The following METTL16 variants were observed in gnomAD, a reference collection of about 807,000 sequenced individuals.
METTL16 encodes the protein RNA N(6)-adenosine-methyltransferase METTL16.
In METTL16, 19 loss-of-function variants were observed where a neutral mutation model predicts 57.9. The observed-to-expected ratio is 0.33, with a 90% CI of 0.23 to 0.48. METTL16 has a LOEUF of 0.48. Ranked by LOEUF, METTL16 falls within the 20% of genes least tolerant of loss-of-function variation. METTL16 has a pLI of 0.99. For missense variants in METTL16, 434 were observed against 691.5 expected, an observed-to-expected ratio of 0.63 and a Z score of 4.18; for synonymous variants, 246 against 255.6, an observed-to-expected ratio of 0.96 and a Z score of 0.36.
chr17:2,498,740 G>A (rs2067464900), intron 2 of METTL16, among the ~76,000 whole-genome samples: 1 of 151,538 alleles, frequency 6.6e-6, no homozygotes, highest in Non-Finnish European at 1.5e-5. Context: ...CTGTGTCTCA[G>A]AAAATAATAT....
chr17:2,443,374 T>C (rs898354835), intron 6 of METTL16, among the ~76,000 whole-genome samples: 4 of 152,250 alleles, frequency 2.6e-5, no homozygotes, highest in Admixed American at 2.6e-4. Context: ...CTACTAAACA[T>C]TTAAGGAAGA....
chr17:2,447,689 C>T (rs1396674840), intron 6 of METTL16, among the ~76,000 whole-genome samples: 4 of 128,418 alleles, frequency 3.1e-5, no homozygotes, highest in South Asian at 2.5e-4. Context: ...CCAGCCGCCC[C>T]GTCCGGGAGG....
chr17:2,493,299 C>T (rs1403337548), intron 2 of METTL16, among the ~76,000 whole-genome samples: 1 of 151,550 alleles, frequency 6.6e-6, no homozygotes, highest in African/African-American at 2.4e-5. Context: ...CTGTGTTAGC[C>T]AGGATAGTCT....
rs533793602 is a variant in METTL16, at chr17:2,428,527, C to CAAAAAA, written c.889-7629_889-7624dup. Among the ~76,000 whole-genome samples the CAAAAAA allele has an allele frequency of 3.8e-4, 8 of 21,074 alleles. 3 individuals carry two copies. Among genetic ancestry groups the CAAAAAA allele is most frequent in the Non-Finnish European group, 6.6e-4 (8 of 12,042 alleles). 13.8% of individuals were successfully genotyped at this position (21,074 alleles called of 152,430 possible). On this transcript the variant is annotated intron_variant, in intron 8 of 9. Transcript: ENST00000263092. ...CAGGCGACAGAGCGAGACTCCGTCT[C>CAAAAAA]AAAAAAAAAAAAAAAAAAAAAAAAA... is the stretch of plus-strand genomic sequence containing the variant.
At chr17:2,479,286 C>G (rs1210432881) in intron 2 of METTL16, among the ~76,000 whole-genome samples, 1 of 151,788 alleles carries the variant, frequency 6.6e-6, no homozygotes, top group African/African-American at 2.4e-5. Flanking sequence ...CCTGCCTCGG[C>G]CCCACAAGTA....
At chr17:2,467,940 G>A (rs969411847) in intron 4 of METTL16, 64 bp from the exon 5 acceptor site, 32 of 1,089,088 alleles carry the variant, frequency 2.9e-5, no homozygotes, top group East Asian at 7.1e-5. Flanking sequence ...GTATAACCGC[G>A]CACTGCGTAA....
At chr17:2,493,506 G>A (rs900235827) in intron 2 of METTL16, among the ~76,000 whole-genome samples, 4 of 151,862 alleles carry the variant, frequency 2.6e-5, no homozygotes, top group Admixed American at 6.6e-5. Flanking sequence ...ATCACTTGAC[G>A]TCAGGAGTTC....
At chr17:2,432,577 A>C (rs903284822) in intron 8 of METTL16, among the ~76,000 whole-genome samples, 1 of 152,180 alleles carries the variant, frequency 6.6e-6, no homozygotes, top group Non-Finnish European at 1.5e-5. Context: ...AAAATAAAAA[A>C]AAAAATTAAG....
rs750250109 is a variant in METTL16 at position 2,477,757 on chromosome 17, A to G, written c.257T>C (p.Ile86Thr). ...IPTVPLRLNY[I>T]HWVEDLIGHQ... ...ACCGATCAGATCTTCTACCCAGTGA[A>G]TATAGTTGAGTCTCAAGGGAACTGT... Residue 86 changes from isoleucine (I) to threonine (T), a missense_variant, in exon 3 of 10, where the codon ATT becomes ACT. Transcript: ENST00000263092. 26 of 1,613,984 alleles carry G rather than the reference A, an allele frequency of 1.6e-5. No individual in the cohort carries two copies. The South Asian group carries it at 2.6e-4, about 16-fold the overall frequency.
At chr17:2,493,635 CTTGA>C (rs2067418272) in intron 2 of METTL16, among the ~76,000 whole-genome samples, 1 of 149,634 alleles carries the variant, frequency 6.7e-6, no homozygotes, top group African/African-American at 2.5e-5. Context: ...ACATGAATTG[CTTGA>C]GCTCAGGTGG....
intron 6 of METTL16, among the ~76,000 whole-genome samples, chr17:2,444,995 T>A (rs1159294764): frequency 6.6e-6 from 1 of 151,988 alleles, no homozygotes; most frequent in Non-Finnish European, 1.5e-5. Flanking sequence ...GAATTAGAGG[T>A]GCATGCCACC....
intron 2 of METTL16, among the ~76,000 whole-genome samples, chr17:2,493,655 G>C (rs2067418447): frequency 6.7e-6 from 1 of 148,584 alleles, no homozygotes. Flanking sequence ...GGTGGTGGAG[G>C]TTGCAGTGAG....
At chr17:2,488,874 G>A (rs1468115887) in intron 2 of METTL16, among the ~76,000 whole-genome samples, 9 of 152,136 alleles carry the variant, frequency 5.9e-5, no homozygotes, top group Admixed American at 5.9e-4. Flanking sequence ...TTCGCGTACT[G>A]TACTGACATC....
chr17:2,451,617 T>C (rs1197624619), intron 6 of METTL16, among the ~76,000 whole-genome samples: 1 of 150,060 alleles, frequency 6.7e-6, no homozygotes, highest in Non-Finnish European at 1.5e-5. Context: ...GTAGACTCTG[T>C]TTCCAAAAAA....
chr17:2,440,089 T>C (rs2066936522), intron 7 of METTL16, among the ~76,000 whole-genome samples: 1 of 152,134 alleles, frequency 6.6e-6, no homozygotes, highest in African/African-American at 2.4e-5. Flanking sequence ...AGACCTTGTT[T>C]CTACTAAAAA....
chr17:2,474,138 C>T (rs879713225), intron 3 of METTL16, among the ~76,000 whole-genome samples: 3 of 152,004 alleles, frequency 2.0e-5, no homozygotes, highest in Admixed American at 6.6e-5. Context: ...GACTAATTCA[C>T]CTAAAATGCT....
At position 2,420,282 on chromosome 17, in the gene METTL16, G is replaced by T. The variant is rs2066753288; in HGVS notation, c.1377C>A (p.Asn459Lys). 1 of 1,613,526 alleles carries T rather than the reference G, an allele frequency of 6.2e-7. No homozygotes were observed. The highest frequency in any genetic ancestry group is 1.3e-5 in the African/African-American group (1 of 75,030). ...PSQESLSQEENPEPTEDERSE... is the reference protein window; with the variant it reads ...PSQESLSQEEKPEPTEDERSE... Reference sequence around the variant, plus strand: ...TCCTTTCATCCTCCGTGGGTTCCGGGTTTTCCTCCTGGGACAGGGACTCCT... The same window carrying T: ...TCCTTTCATCCTCCGTGGGTTCCGGTTTTTCCTCCTGGGACAGGGACTCCT... The change falls in exon 10 of 10, where the codon AAC becomes AAA. Residue 459 changes from asparagine to lysine, a missense_variant. By Grantham distance (94) the Asn-to-Lys change is moderately conservative. Around this residue, in one of 5 missense-constraint regions of METTL16, gnomAD observed 168 missense variants for 149.6 expected, o/e 1.12. Coordinates refer to ENST00000263092, the MANE Select transcript of METTL16 (RefSeq NM_024086.4). The surrounding 1 kb of genome is among the most constrained non-coding windows in gnomAD (Gnocchi z 5.4).
At chr17:2,444,921 G>A (rs1382374959) in intron 6 of METTL16, among the ~76,000 whole-genome samples, 1 of 151,864 alleles carries the variant, frequency 6.6e-6, no homozygotes, top group Non-Finnish European at 1.5e-5. Context: ...TCACCATGTT[G>A]GCCAGGCTGG....
intron 6 of METTL16, among the ~76,000 whole-genome samples, chr17:2,458,308 A>G (rs1036741685): frequency 2.6e-5 from 4 of 152,198 alleles, no homozygotes; most frequent in African/African-American, 9.7e-5. Flanking sequence ...GTTCCTAAGA[A>G]AAGCCTAAAA....
Sources: gnomAD v4.1 joint callset for allele counts (sites outside exome capture counted in the v4.1 genomes callset) on GRCh38, gnomAD v4.1.1 for gene constraint, gnomAD v4.1.1 regional missense constraint, Gnocchi (gnomAD v3.1) non-coding constraint, MANE v1.5 for transcripts, NCBI Gene and HGNC (gene_info 2026-07-23, HGNC 2026-07-21) for gene names.